Variants in CNTN5 observed in about 807,000 individuals in gnomAD.
CNTN5 encodes the protein contactin-5.
CNTN5 carries 77 observed loss-of-function variants against 129.1 expected under a neutral mutation model. That is an observed-to-expected ratio of 0.60 (90% CI 0.50 to 0.72). CNTN5 has a LOEUF of 0.72. Ranked by LOEUF, CNTN5 falls within the 30% of genes least tolerant of loss-of-function variation. CNTN5 has a pLI of 0.00. For missense variants in CNTN5, 1,478 were observed against 1,328.8 expected (o/e 1.11, Z -1.75); for synonymous variants, 509 against 465.6 (o/e 1.09, Z -1.20).
At chr11:99,222,160 A>T (rs1009589735) in intron 1 of CNTN5, among the ~76,000 whole-genome samples, 3 of 152,012 alleles carry the variant, frequency 2.0e-5, no homozygotes, top group African/African-American at 7.2e-5. Context: ...AAATATTTGC[A>T]TTTTATAAAT....
chr11:100,083,317 C>CAAA (rs71050046), intron 13 of CNTN5, among the ~76,000 whole-genome samples: 11,684 of 127,648 alleles, frequency 0.092, 608 homozygotes, highest in Non-Finnish European at 0.12. Context: ...AACTCTGTCT[C>CAAA]AAAAAAAAAA....
intron 1 of CNTN5, among the ~76,000 whole-genome samples, chr11:99,276,679 G>A (rs1863450352): frequency 6.6e-6 from 1 of 151,408 alleles, no homozygotes. Flanking sequence ...AATTGTAGTA[G>A]TGGTAAAAAA....
At position 99,858,737 on chromosome 11, in the gene CNTN5, GA is replaced by G. The variant is rs67393369; in HGVS notation, c.577+13484del. Reference sequence around the variant, plus strand: ...AATTGATTTACCTCATTTTAGAAATGAAAAAAAAAGGCTTTGCTCATAAAAT... The same window carrying G: ...AATTGATTTACCTCATTTTAGAAATGAAAAAAAAGGCTTTGCTCATAAAAT... On this transcript the variant is annotated intron_variant, in intron 6 of 24. Coordinates refer to ENST00000524871, the MANE Select transcript of CNTN5 (RefSeq NM_014361.4). 1.4e-3 allele frequency among the ~76,000 whole-genome samples: 201 copies of G among 146,104 alleles called. 2 individuals carry two copies. The highest frequency in any genetic ancestry group is 3.6e-3 in the Middle Eastern group (1 of 280).
At chr11:100,165,956 T>C (rs1028417584) in intron 13 of CNTN5, among the ~76,000 whole-genome samples, 17 of 151,780 alleles carry the variant, frequency 1.1e-4, no homozygotes, top group Non-Finnish European at 2.1e-4. Flanking sequence ...ATCTAACTCC[T>C]GAGCTTTCAG....
At chr11:99,488,735 A>G (rs1288833191) in intron 2 of CNTN5, among the ~76,000 whole-genome samples, 1 of 152,186 alleles carries the variant, frequency 6.6e-6, no homozygotes, top group African/African-American at 2.4e-5. Flanking sequence ...ATGAGAATCT[A>G]TGCAATCATT....
intron 9 of CNTN5, among the ~76,000 whole-genome samples, chr11:100,037,760 G>A (rs1591102774): frequency 6.6e-6 from 1 of 152,078 alleles, no homozygotes; most frequent in Admixed American, 6.5e-5. Context: ...TTGTGTAGAG[G>A]TGTTTATAGT....
Position 99,902,452 on chromosome 11 carries a change from T to C in CNTN5, c.578-13602T>C, listed in dbSNP as rs1373635305. 2.6e-5 allele frequency among the ~76,000 whole-genome samples: 4 copies of C among 152,208 alleles called. No homozygotes were observed. The East Asian group carries it at 5.8e-4, about 22-fold the overall frequency. ...CTATTTGGGATGCCCTTCAGTAATG[T>C]GAGTAATGCTTATGCCATAGTTGAT... On this transcript the variant is annotated intron_variant, in intron 6 of 24. Coordinates refer to ENST00000524871, the MANE Select transcript of CNTN5 (RefSeq NM_014361.4).
chr11:99,478,633 ATG>A (rs963562509), intron 2 of CNTN5, among the ~76,000 whole-genome samples: 130 of 152,086 alleles, frequency 8.5e-4, no homozygotes, highest in African/African-American at 2.8e-3. Flanking sequence ...TCTTTCAACA[ATG>A]TGGATATATG....
At chr11:99,955,275 G>T (rs924763056) in intron 7 of CNTN5, among the ~76,000 whole-genome samples, 10 of 151,562 alleles carry the variant, frequency 6.6e-5, no homozygotes, top group Admixed American at 1.3e-4. Context: ...CTTGAATTTA[G>T]AGTCTACTTG....
At chr11:100,024,801 A>G (rs900348083) in intron 9 of CNTN5, among the ~76,000 whole-genome samples, 3 of 152,192 alleles carry the variant, frequency 2.0e-5, no homozygotes, top group African/African-American at 4.8e-5. Flanking sequence ...AAGCAGCACA[A>G]TGTTCAAGAG....
intron 1 of CNTN5, among the ~76,000 whole-genome samples, chr11:99,130,274 CCAAA>C (rs1450262166): frequency 6.6e-6 from 1 of 151,948 alleles, no homozygotes; most frequent in Admixed American, 6.6e-5. Context: ...GGGAGATTTA[CCAAA>C]CAAATAGAAA....
intron 3 of CNTN5, among the ~76,000 whole-genome samples, chr11:99,642,887 CCTCTAGGTT>C (rs1385284237): frequency 3.3e-5 from 5 of 152,112 alleles, no homozygotes; most frequent in Non-Finnish European, 5.9e-5. Flanking sequence ...ACCATAATGT[CCTCTAGGTT>C]CATCCATGTT....
At chr11:100,125,518 G>A (rs1310995725) in intron 13 of CNTN5, among the ~76,000 whole-genome samples, 4 of 152,038 alleles carry the variant, frequency 2.6e-5, no homozygotes, top group Non-Finnish European at 5.9e-5. Context: ...TGGCTGTGTA[G>A]TAGTCCATGT....
At chr11:99,656,859 C>T (rs934612330) in intron 3 of CNTN5, among the ~76,000 whole-genome samples, 1 of 151,900 alleles carries the variant, frequency 6.6e-6, no homozygotes, top group African/African-American at 2.4e-5. Context: ...AAAATACCCA[C>T]CAGAACGTAT....
chr11:100,315,002 T>C (rs1262366962), intron 21 of CNTN5, among the ~76,000 whole-genome samples: 1 of 152,218 alleles, frequency 6.6e-6, no homozygotes, highest in Non-Finnish European at 1.5e-5. Flanking sequence ...TTCCTGACCT[T>C]ATGAAGTTTG....
At chr11:99,663,084 A>G (rs1365230315) in intron 3 of CNTN5, among the ~76,000 whole-genome samples, 2 of 149,462 alleles carry the variant, frequency 1.3e-5, no homozygotes, top group Non-Finnish European at 3.0e-5. Flanking sequence ...TGCAAAAGAC[A>G]GTAAGTAAGA....
intron 3 of CNTN5, among the ~76,000 whole-genome samples, chr11:99,581,037 G>A (rs1949566536): frequency 7.8e-6 from 1 of 128,294 alleles, no homozygotes; most frequent in East Asian, 2.3e-4. Context: ...TTGTGTCTTT[G>A]TTCTCGTTGG....
intron 4 of CNTN5, among the ~76,000 whole-genome samples, chr11:99,822,277 C>A (rs988432150): frequency 1.3e-5 from 2 of 152,118 alleles, no homozygotes; most frequent in Admixed American, 6.6e-5. Flanking sequence ...CTTGGAGAAA[C>A]CTTCCCATAC....
rs758908198 is a variant in CNTN5, at chr11:99,623,747, AT to A, written c.55+67479del. 3.6e-3 allele frequency among the ~76,000 whole-genome samples: 548 copies of A among 151,086 alleles called. 7 individuals carry two copies. Among genetic ancestry groups the A allele is most frequent in the African/African-American group, 0.011 (470 of 41,272 alleles). On this transcript the variant is annotated intron_variant, in intron 3 of 24. Coordinates refer to ENST00000524871, the MANE Select transcript of CNTN5 (RefSeq NM_014361.4). ...TGTTTAGCAGAGAAAGATACAAAAA[AT>A]AAAAAAAAAAAGATAAAAGCTGTGC... is the stretch of plus-strand genomic sequence containing the variant.
Sources: allele counts gnomAD v4.1 joint callset (sites outside exome capture counted in the v4.1 genomes callset), GRCh38; gene constraint gnomAD v4.1.1; transcripts MANE v1.5; gene names NCBI Gene and HGNC (gene_info 2026-07-23, HGNC 2026-07-21).